The following ABLIM2 variants were observed in gnomAD, a reference collection of about 807,000 sequenced individuals.
ABLIM2 encodes actin-binding LIM protein 2.
Under a neutral mutation model 97.7 loss-of-function variants are expected in ABLIM2, and 53 were observed. That is an observed-to-expected ratio of 0.54 (90% confidence interval 0.44 to 0.68). The LOEUF (loss-of-function observed/expected upper bound fraction) is 0.68. Among genes scored for constraint, ABLIM2 ranks in the 30% least tolerant of loss-of-function variants. ABLIM2 has a pLI of 0.00. For missense variants in ABLIM2, 835 were observed against 867.2 expected (o/e 0.96, Z 0.47); for synonymous variants, 361 against 345.8 (o/e 1.04, Z -0.49).
At position 8,069,650 on chromosome 4, in the gene ABLIM2, G is replaced by A. The variant is rs533514060; in HGVS notation, c.675+7978C>T. On this transcript the variant is annotated intron_variant, in intron 6 of 20. Transcript: ENST00000447017. The surrounding 1 kb of genome is among the most constrained non-coding windows in gnomAD (Gnocchi z 4.2). ...GTGTGTGCATCGTGTGTGCTGTCTT[G>A]GTTGTCTGTGTGCATTTCTGTGTGT... 1.3e-5 allele frequency among the ~76,000 whole-genome samples: 2 copies of A among 152,056 alleles called. No homozygotes were observed. The highest frequency in any genetic ancestry group is 2.9e-5 in the Non-Finnish European group (2 of 67,980).
rs1169449012 is a variant in ABLIM2, at chr4:8,149,318, G to T, written c.10+9362C>A. Among the ~76,000 whole-genome samples the T allele has an allele frequency of 1.3e-5, 2 of 152,118 alleles. No individual in the cohort carries two copies. The highest frequency in any genetic ancestry group is 4.8e-5 in the African/African-American group (2 of 41,430). On this transcript the variant is annotated intron_variant, in intron 1 of 20. Coordinates refer to ENST00000447017, the MANE Select transcript of ABLIM2 (RefSeq NM_001130083.2). The surrounding 1 kb of genome is among the most constrained non-coding windows in gnomAD (Gnocchi z 6.4). ...ATGAACAGTCATTTTGCCGCATGAGGTCACATAGTCACAGGGCCTGGGATT... is the reference window on the plus strand; with the variant it reads ...ATGAACAGTCATTTTGCCGCATGAGTTCACATAGTCACAGGGCCTGGGATT...
At position 7,996,492 on chromosome 4, in the gene ABLIM2, C is replaced by T. The variant is rs1004400247; in HGVS notation, c.1619-3565G>A. The stretch of plus-strand genomic sequence containing the variant: ...TTGCTTCCGCGAAGGCCATTTTATC[C>T]TCCCCACTTTGACTATGATAGTCTC... On this transcript the variant is annotated intron_variant, in intron 16 of 20. Transcript: ENST00000447017. This position sits in a 1 kb window ranked among gnomAD's most constrained non-coding sequence, Gnocchi z 4.5. Among the ~76,000 whole-genome samples, 1 of 152,218 alleles carries T rather than the reference C, an allele frequency of 6.6e-6. No homozygotes were observed. Among genetic ancestry groups the T allele is most frequent in the African/African-American group, 2.4e-5 (1 of 41,468 alleles).
At chr4:7,968,664 C>T (rs879571193) in intron 20 of ABLIM2, among the ~76,000 whole-genome samples, 4 of 152,090 alleles carry the variant, frequency 2.6e-5, no homozygotes, top group Non-Finnish European at 2.9e-5. Context: ...TTCGTGGTCG[C>T]CAGGGACTGG....
At chr4:8,055,880 A>C (rs922955245) in intron 7 of ABLIM2, among the ~76,000 whole-genome samples, 8 of 152,160 alleles carry the variant, frequency 5.3e-5, no homozygotes, top group Non-Finnish European at 1.0e-4. Context: ...CAGGAGGCCA[A>C]GGTGGGTGGA....
intron 6 of ABLIM2, among the ~76,000 whole-genome samples, chr4:8,073,744 C>T (rs966918424): frequency 6.6e-6 from 1 of 152,212 alleles, no homozygotes; most frequent in African/African-American, 2.4e-5. Flanking sequence ...AATAGATAAG[C>T]AGGCAACATT....
rs565827100 is a variant in ABLIM2, at chr4:8,022,994, T to TCTC, written c.1268-2694_1268-2692dup. ...CTGCCTCCTCTTCCTCTTTTTCCTT[T>TCTC]CTCCTCCTCCTCTTCCTCCTTCACT... On this transcript the variant is annotated intron_variant, in intron 12 of 20. Coordinates refer to ENST00000447017, the MANE Select transcript of ABLIM2 (RefSeq NM_001130083.2). The surrounding 1 kb of genome is among the most constrained non-coding windows in gnomAD (Gnocchi z 7.8). 396 of 153,004 alleles carry TCTC rather than the reference T, an allele frequency of 2.6e-3. No individual in the cohort carries two copies. The highest frequency in any genetic ancestry group is 3.3e-3 in the Non-Finnish European group (229 of 68,724). 9.5% of individuals were successfully genotyped at this position (153,004 alleles called of 1,614,324 possible).
chr4:8,114,789 G>A (rs151011110), intron 1 of ABLIM2, among the ~76,000 whole-genome samples: 15 of 86,640 alleles, frequency 1.7e-4, no homozygotes, highest in Non-Finnish European at 3.2e-4. Flanking sequence ...GGCCGATGTT[G>A]GGCAGCCACC....
At chr4:8,084,901 G>A (rs896821016) in intron 4 of ABLIM2, among the ~76,000 whole-genome samples, 1 of 152,198 alleles carries the variant, frequency 6.6e-6, no homozygotes, top group Non-Finnish European at 1.5e-5. Flanking sequence ...CCTCTGGTTC[G>A]GCACGGCGCT....
rs1773973453 is a variant in ABLIM2, at chr4:8,021,899, G to A, written c.1268-1596C>T. Among the ~76,000 whole-genome samples the A allele has an allele frequency of 6.6e-6, 1 of 152,188 alleles. No homozygotes were observed. The highest frequency in any genetic ancestry group is 2.4e-5 in the African/African-American group (1 of 41,436). ...CTCCAGAACAGCATGGAACCTTCTA[G>A]AGCCTCAGTTGGCTCTACAGGTGCC... On this transcript the variant is annotated intron_variant, in intron 12 of 20. Transcript: ENST00000447017. This position sits in a 1 kb window ranked among gnomAD's most constrained non-coding sequence, Gnocchi z 5.5.
chr4:8,117,473 C>T (rs1843281940), intron 1 of ABLIM2, among the ~76,000 whole-genome samples: 5 of 151,412 alleles, frequency 3.3e-5, no homozygotes, highest in Admixed American at 1.3e-4. Context: ...ACAGGCTCCA[C>T]GCACTAAGAC....
In ABLIM2 at chr4:8,041,820, C is replaced by G. The variant is rs367837545; in HGVS notation, c.900+3344G>C. Among the ~76,000 whole-genome samples the G allele has an allele frequency of 5.9e-5, 9 of 152,002 alleles. No homozygotes were observed. In the East Asian group the frequency reaches 1.4e-3, roughly 23 times the overall value. On this transcript the variant is annotated intron_variant, in intron 9 of 20. Transcript: ENST00000447017. ...TCGGGAGGCCGAGGCAGGAGAATGGCGTGAACCTGGGAGGCGCAGCTTGCA... is the reference window on the plus strand; with the variant it reads ...TCGGGAGGCCGAGGCAGGAGAATGGGGTGAACCTGGGAGGCGCAGCTTGCA...
chr4:8,128,158 G>A lies in ABLIM2; in HGVS notation c.11-21521C>T, dbSNP rs1402038384. 6.6e-6 allele frequency among the ~76,000 whole-genome samples: 1 copy of A among 152,134 alleles called. No homozygotes were observed. The highest frequency in any genetic ancestry group is 6.5e-5 in the Admixed American group (1 of 15,284). ...ATGTGGCTTCAGGGCTCCTGTTTCT[G>A]CCCCCACCTTCACAGGCCGTCTTCC... On this transcript the variant is annotated intron_variant, in intron 1 of 20. Transcript: ENST00000447017. This position sits in a 1 kb window ranked among gnomAD's most constrained non-coding sequence, Gnocchi z 4.9.
intron 18 of ABLIM2, among the ~76,000 whole-genome samples, chr4:7,984,200 A>G (rs7665920): frequency 0.16 from 23,911 of 152,116 alleles, 3,032 homozygotes; most frequent in African/African-American, 0.35. Context: ...CCTGAGTTTC[A>G]CCACTTGCCC....
chr4:8,049,507 G>A (rs1794671616), intron 8 of ABLIM2, among the ~76,000 whole-genome samples: 1 of 152,152 alleles, frequency 6.6e-6, no homozygotes, highest in Admixed American at 6.5e-5. Context: ...GGGAAGCGGG[G>A]GTCAGACATG....
rs937921772 is a variant in ABLIM2, at chr4:8,132,271, C to T, written c.11-25634G>A. Among the ~76,000 whole-genome samples the T allele has an allele frequency of 6.6e-6, 1 of 152,170 alleles. No homozygotes were observed. The highest frequency in any genetic ancestry group is 1.5e-5 in the Non-Finnish European group (1 of 68,036). ...CCAGCGCTGTGGCTGCCACCCATCA[C>T]GGGGGCATGGATGGGGTATAATTAC... On this transcript the variant is annotated intron_variant, in intron 1 of 20. Transcript: ENST00000447017. This position sits in a 1 kb window ranked among gnomAD's most constrained non-coding sequence, Gnocchi z 8.0.
At chr4:8,088,862 G>T (rs1000621621) in intron 3 of ABLIM2, among the ~76,000 whole-genome samples, 12 of 152,154 alleles carry the variant, frequency 7.9e-5, no homozygotes, top group Non-Finnish European at 1.6e-4. Context: ...AGGACACATG[G>T]ATACGAGTCA....
At chr4:7,989,453 G>A in intron 17 of ABLIM2, 1 of 985,276 alleles carries the variant, frequency 1.0e-6, no homozygotes, top group East Asian at 1.1e-4. Flanking sequence ...GTCTGGCATT[G>A]CCATGTTGCT....
Position 8,083,490 on chromosome 4 carries a change from A to G in ABLIM2, c.455-2688T>C, listed in dbSNP as rs577598248. Among the ~76,000 whole-genome samples the G allele has an allele frequency of 1.3e-5, 2 of 152,258 alleles. No homozygotes were observed. Among genetic ancestry groups the G allele is most frequent in the South Asian group, 4.2e-4 (2 of 4,818 alleles). Reference sequence around the variant, plus strand: ...ATATTGGCCGGCGCCCTCCCCTGCCAAGAAGCTCCCTTGACCTTGAGCTCC... The same window carrying G: ...ATATTGGCCGGCGCCCTCCCCTGCCGAGAAGCTCCCTTGACCTTGAGCTCC... On this transcript the variant is annotated intron_variant, in intron 4 of 20. Transcript: ENST00000447017. This position sits in a 1 kb window ranked among gnomAD's most constrained non-coding sequence, Gnocchi z 4.6.
At position 7,983,571 on chromosome 4, in the gene ABLIM2, G is replaced by A. The variant is rs1211263883; in HGVS notation, c.1736-17C>T. On this transcript the variant is annotated splice_polypyrimidine_tract_variant and intron_variant, in intron 18 of 20. Coordinates refer to ENST00000447017, the MANE Select transcript of ABLIM2 (RefSeq NM_001130083.2). The stretch of plus-strand genomic sequence containing the variant: ...CCTTGTATTCTGTAAGAGAGAGAGA[G>A]CGGAGACCACGAAATGGTTTAGAAA... 1.9e-6 allele frequency: 3 copies of A among 1,612,838 alleles called. No homozygotes were observed. The East Asian group carries it at 6.7e-5, about 36-fold the overall frequency.
Sources: allele counts gnomAD v4.1 joint callset (sites outside exome capture counted in the v4.1 genomes callset), GRCh38; gene constraint gnomAD v4.1.1; non-coding constraint Gnocchi (gnomAD v3.1); transcripts MANE v1.5; gene names NCBI Gene and HGNC (gene_info 2026-07-23, HGNC 2026-07-21).